The following BRIP1 variants were observed in gnomAD, a reference collection of about 807,000 sequenced individuals.
The protein encoded by BRIP1 is BRCA1 interacting DNA helicase 1.
BRIP1 carries 88 observed loss-of-function variants against 119.7 expected under a neutral mutation model. The observed-to-expected ratio is 0.74, with a 90% confidence interval of 0.62 to 0.88. BRIP1 has a LOEUF of 0.88. BRIP1 is among the 40% of genes least tolerant of loss of function. The pLI is 0.00. For missense variants in BRIP1, 1,259 were observed against 1,455.4 expected (o/e 0.87, Z 2.20); for synonymous variants, 443 against 496.5 (o/e 0.89, Z 1.43).
chr17:61,770,408 A>G lies in BRIP1; in HGVS notation c.2097+5993T>C, dbSNP rs1416682500. 6.6e-6 allele frequency among the ~76,000 whole-genome samples: 1 copy of G among 152,214 alleles called. No homozygotes were observed. The highest frequency in any genetic ancestry group is 6.5e-5 in the Admixed American group (1 of 15,280). ...CTCAAGTCCACATTAAGAATTAATT[A>G]AAGAGCACTGGTCAAGATAACTACA... On this transcript the variant is annotated intron_variant, in intron 14 of 19. Coordinates refer to ENST00000259008, the MANE Select transcript of BRIP1 (RefSeq NM_032043.3). The surrounding 1 kb of genome is among the most constrained non-coding windows in gnomAD (Gnocchi z 4.7).
chr17:61,788,254 A>G (rs1424446585), intron 10 of BRIP1, among the ~76,000 whole-genome samples: 1 of 152,146 alleles, frequency 6.6e-6, no homozygotes, highest in African/African-American at 2.4e-5. Flanking sequence ...AGAAACTTTA[A>G]GCTACCCATG....
At chr17:61,723,496 TAAC>T (rs1389940247) in intron 16 of BRIP1, among the ~76,000 whole-genome samples, 1 of 152,224 alleles carries the variant, frequency 6.6e-6, no homozygotes. Context: ...CCTTATAATC[TAAC>T]AACATTATAC....
intron 13 of BRIP1, among the ~76,000 whole-genome samples, chr17:61,777,955 C>G (rs1343018331): frequency 6.6e-6 from 1 of 152,138 alleles, no homozygotes; most frequent in Admixed American, 6.5e-5. Flanking sequence ...AGCCCTGATC[C>G]TGATGCTACC....
intron 10 of BRIP1, among the ~76,000 whole-genome samples, chr17:61,788,771 C>T (rs1414308920): frequency 1.3e-5 from 2 of 152,130 alleles, no homozygotes; most frequent in African/African-American, 4.8e-5. Flanking sequence ...GCCTAGGCAA[C>T]ATAGTGAGAC....
intron 6 of BRIP1, among the ~76,000 whole-genome samples, chr17:61,837,523 GAA>G (rs930645549): frequency 1.4e-4 from 21 of 152,066 alleles, no homozygotes; most frequent in Admixed American, 1.3e-3. Flanking sequence ...AGTATATAAA[GAA>G]TGTTAGCATT....
chr17:61,719,769 CAG>C (rs2061942372), intron 16 of BRIP1, among the ~76,000 whole-genome samples: 1 of 150,214 alleles, frequency 6.7e-6, no homozygotes. Context: ...AAAAGTAGAA[CAG>C]AGGATACTAG....
At position 61,778,958 on chromosome 17, in the gene BRIP1, T is replaced by C. The variant is rs975759082; in HGVS notation, c.1935+1303A>G. Among the ~76,000 whole-genome samples, 2 of 152,132 alleles carry C rather than the reference T, an allele frequency of 1.3e-5. No homozygotes were observed. The highest frequency in any genetic ancestry group is 2.4e-5 in the African/African-American group (1 of 41,440). On this transcript the variant is annotated intron_variant, in intron 13 of 19. Transcript: ENST00000259008. The surrounding 1 kb of genome is among the most constrained non-coding windows in gnomAD (Gnocchi z 4.4). ...GTTAGGCACACAGGTGATGTTAACT[T>C]AACCACTTTAGCATTAACCACAGCT...
At chr17:61,782,388 G>A (rs537691740) in intron 11 of BRIP1, among the ~76,000 whole-genome samples, 310 of 112,998 alleles carry the variant, frequency 2.7e-3, no homozygotes, top group South Asian at 5.1e-3. Context: ...TCCCGTCTCA[G>A]AAAAAAAAAA....
chr17:61,774,119 A>G lies in BRIP1; in HGVS notation c.2097+2282T>C, dbSNP rs992817314. On this transcript the variant is annotated intron_variant, in intron 14 of 19. Transcript: ENST00000259008. This position sits in a 1 kb window ranked among gnomAD's most constrained non-coding sequence, Gnocchi z 5.8. ...CCAAAGGATTATAAATCATGCTACT[A>G]TAAAGACACATGCATACGTATATTT... Among the ~76,000 whole-genome samples, 3 of 152,216 alleles carry G rather than the reference A, an allele frequency of 2.0e-5. No individual in the cohort carries two copies. Among genetic ancestry groups the G allele is most frequent in the Non-Finnish European group, 2.9e-5 (2 of 68,042 alleles).
At chr17:61,812,400 A>G (rs2078176201) in intron 6 of BRIP1, among the ~76,000 whole-genome samples, 1 of 152,152 alleles carries the variant, frequency 6.6e-6, no homozygotes, top group Admixed American at 6.5e-5. Flanking sequence ...ACTCTCATCC[A>G]ATAATATATC....
rs1055402014 is a variant in BRIP1 at position 61,699,256 on chromosome 17, T to G, written c.2493-5744A>C. On this transcript the variant is annotated intron_variant, in intron 17 of 19. Coordinates refer to ENST00000259008, the MANE Select transcript of BRIP1 (RefSeq NM_032043.3). This position sits in a 1 kb window ranked among gnomAD's most constrained non-coding sequence, Gnocchi z 4.8. ...CCTTTAGATTGGAGTATTTAATCCA[T>G]TTACATTTAATGTAATTACTGATAA... 2.6e-5 allele frequency among the ~76,000 whole-genome samples: 4 copies of G among 152,184 alleles called. No individual in the cohort carries two copies. The highest frequency in any genetic ancestry group is 2.6e-4 in the Admixed American group (4 of 15,272).
chr17:61,838,797 A>G (rs551003234), intron 6 of BRIP1, among the ~76,000 whole-genome samples: 5 of 152,030 alleles, frequency 3.3e-5, no homozygotes, highest in Admixed American at 3.3e-4. Context: ...AGTGAGGCAT[A>G]TGATCTGTCA....
At position 61,851,083 on chromosome 17, in the gene BRIP1, C is replaced by T. The variant is rs887472238; in HGVS notation, c.380-1827G>A. 4.0e-5 allele frequency among the ~76,000 whole-genome samples: 6 copies of T among 151,754 alleles called. No individual in the cohort carries two copies. The highest frequency in any genetic ancestry group is 5.9e-5 in the Non-Finnish European group (4 of 67,978). ...TCTCTACTAAAAATACAAAAATTAG[C>T]TGGGCATGGTGGTGCATGCCTGTAA... is the stretch of plus-strand genomic sequence containing the variant. On this transcript the variant is annotated intron_variant, in intron 4 of 19. Coordinates refer to ENST00000259008, the MANE Select transcript of BRIP1 (RefSeq NM_032043.3). The surrounding 1 kb of genome is among the most constrained non-coding windows in gnomAD (Gnocchi z 4.6).
chr17:61,779,861 CAGG>C (rs1490066141), intron 13 of BRIP1, among the ~76,000 whole-genome samples: 2 of 151,358 alleles, frequency 1.3e-5, no homozygotes, highest in Non-Finnish European at 2.9e-5. Flanking sequence ...GAGGCTGAAG[CAGG>C]AGAATTGCTT....
rs1019907575 is a variant in BRIP1, at chr17:61,857,440, T to C, written c.206-209A>G. Among the ~76,000 whole-genome samples, 1 of 151,946 alleles carries C rather than the reference T, an allele frequency of 6.6e-6. No individual in the cohort carries two copies. The highest frequency in any genetic ancestry group is 2.4e-5 in the African/African-American group (1 of 41,386). ...CAGGAGAGAAATAAGCCAAAAACAT[T>C]TGGTTGGACACAGTGGCTCACGCCT... On this transcript the variant is annotated intron_variant, in intron 3 of 19. Coordinates refer to ENST00000259008, the MANE Select transcript of BRIP1 (RefSeq NM_032043.3). This position sits in a 1 kb window ranked among gnomAD's most constrained non-coding sequence, Gnocchi z 5.1.
rs1196505027 is a variant in BRIP1 at position 61,825,244 on chromosome 17, C to T, written c.628-16487G>A. Among the ~76,000 whole-genome samples, 1 of 151,464 alleles carries T rather than the reference C, an allele frequency of 6.6e-6. No homozygotes were observed. The highest frequency in any genetic ancestry group is 1.9e-4 in the East Asian group (1 of 5,166). ...AGCTTGCAGTGACCCAAGATTGTGCCACTGCACTCCAGCCTGGGCGACAGA... is the reference window on the plus strand; with the variant it reads ...AGCTTGCAGTGACCCAAGATTGTGCTACTGCACTCCAGCCTGGGCGACAGA... On this transcript the variant is annotated intron_variant, in intron 6 of 19. Transcript: ENST00000259008. The surrounding 1 kb of genome is among the most constrained non-coding windows in gnomAD (Gnocchi z 4.1).
rs761401027 is a variant in BRIP1, at chr17:61,847,118, A to C, written c.610T>G (p.Ser204Ala). The change falls in exon 6 of 20, where the codon TCC (serine) becomes GCC (alanine). Residue 204 changes from serine (S) to alanine (A), a missense_variant. By Grantham distance (99) the Ser-to-Ala change is moderately conservative. Transcript: ENST00000259008. ...KLNSPLEKIN[S>A]FSPQKPPGHC... ...ATACATACTTTCTGTGGCGAAAAGG[A>C]GTTTATCTTTTCCAGTGGAGAGTTG... 2 of 1,613,798 alleles carry C rather than the reference A, an allele frequency of 1.2e-6. No individual in the cohort carries two copies. The highest frequency in any genetic ancestry group is 1.7e-6 in the Non-Finnish European group (2 of 1,179,818).
At chr17:61,826,533 C>A (rs1202014955) in intron 6 of BRIP1, among the ~76,000 whole-genome samples, 2 of 151,734 alleles carry the variant, frequency 1.3e-5, no homozygotes, top group African/African-American at 4.8e-5. Context: ...CCATAAGGAA[C>A]TTAAATTTAC....
At chr17:61,698,693 CTTG>C (rs1440089514) in intron 17 of BRIP1, among the ~76,000 whole-genome samples, 3 of 151,578 alleles carry the variant, frequency 2.0e-5, no homozygotes, top group African/African-American at 7.3e-5. Flanking sequence ...CATATTTAGA[CTTG>C]TTATTTTTTT....
Sources: allele counts gnomAD v4.1 joint callset (sites outside exome capture counted in the v4.1 genomes callset), GRCh38; gene constraint gnomAD v4.1.1; non-coding constraint Gnocchi (gnomAD v3.1); transcripts MANE v1.5; gene names NCBI Gene and HGNC (gene_info 2026-07-23, HGNC 2026-07-21).